Variants in YEATS2 observed in about 807,000 individuals in gnomAD.
YEATS2 encodes the protein YEATS domain containing 2, also known as YEATS domain-containing protein 2.
Under a neutral mutation model 163.2 loss-of-function variants are expected in YEATS2, and 77 were observed. That is an observed-to-expected ratio of 0.47 (90% CI 0.39 to 0.57). The LOEUF is 0.57. Among genes scored for constraint, YEATS2 ranks in the 20% least tolerant of loss-of-function variants. The pLI is 0.00. For missense variants in YEATS2, 1,549 were observed against 1,729.8 expected (o/e 0.90, Z 1.85); for synonymous variants, 631 against 645.1 (o/e 0.98, Z 0.33).
chr3:183,776,878 G>T (rs940672554), intron 18 of YEATS2, among the ~76,000 whole-genome samples: 13 of 151,938 alleles, frequency 8.6e-5, no homozygotes, highest in Non-Finnish European at 1.3e-4. Context: ...CTTGAACCCG[G>T]GAGGCAGAGG....
At chr3:183,751,685 A>G (rs1720181011) in intron 9 of YEATS2, among the ~76,000 whole-genome samples, 1 of 152,218 alleles carries the variant, frequency 6.6e-6, no homozygotes, top group South Asian at 2.1e-4. Context: ...ATAAGGAAGT[A>G]GCTTATTCTT....
At chr3:183,729,042 G>A (rs1428475897) in intron 7 of YEATS2, among the ~76,000 whole-genome samples, 191 bp downstream of exon 7, 1 of 152,190 alleles carries the variant, frequency 6.6e-6, no homozygotes, top group East Asian at 1.9e-4. Context: ...GGAGGCCAAG[G>A]CAGGCGGATC....
intron 5 of YEATS2, 109 bp downstream of exon 5, chr3:183,722,245 GT>G: frequency 9.7e-7 from 1 of 1,026,740 alleles, no homozygotes; most frequent in South Asian, 2.2e-5. Flanking sequence ...TAGGAAATAG[GT>G]TTGTTTTCCT....
rs1387121906 is a variant in YEATS2, at chr3:183,711,455, A to G, written c.-19-3689A>G. On this transcript the variant is annotated intron_variant, in intron 1 of 30. Coordinates refer to ENST00000305135, the MANE Select transcript of YEATS2 (RefSeq NM_018023.5). Reference sequence around the variant, plus strand: ...GCCACTGCACTCCAGCCTGGGAGACAGCGAGACTCTGTCTCAAAAAAAAAA... The same window carrying G: ...GCCACTGCACTCCAGCCTGGGAGACGGCGAGACTCTGTCTCAAAAAAAAAA... Among the ~76,000 whole-genome samples the G allele has an allele frequency of 2.1e-5, 3 of 145,422 alleles. No individual in the cohort carries two copies. The Admixed American group carries it at 2.1e-4, about 10-fold the overall frequency.
At chr3:183,768,870 G>A (rs955811005) in intron 15 of YEATS2, among the ~76,000 whole-genome samples, 2 of 152,154 alleles carry the variant, frequency 1.3e-5, no homozygotes, top group African/African-American at 2.4e-5. Context: ...TACTCAGGAG[G>A]CAAAGGCAGG....
rs764340854 is a variant in YEATS2 at position 183,722,062 on chromosome 3, A to G, written c.463A>G (p.Asn155Asp). 2.5e-6 allele frequency: 4 copies of G among 1,614,122 alleles called. No homozygotes were observed. Among genetic ancestry groups the G allele is most frequent in the Non-Finnish European group, 3.4e-6 (4 of 1,180,016 alleles). The change falls in exon 5 of 31, where the codon AAT (asparagine) becomes GAT (aspartate). Residue 155 changes from asparagine to aspartate, a missense_variant. By Grantham distance (23) the Asn-to-Asp change is conservative. Coordinates refer to ENST00000305135, the MANE Select transcript of YEATS2 (RefSeq NM_018023.5). ...QHNDFLSDKD[N>D]NSNMDIEERL... ...CAATGACTTCTTATCTGACAAAGAT[A>G]ATAACAGCAATATGGATATAGAGGA...
chr3:183,720,175 C>T (rs950539904), intron 4 of YEATS2, among the ~76,000 whole-genome samples: 4 of 152,130 alleles, frequency 2.6e-5, no homozygotes, highest in African/African-American at 9.7e-5. Context: ...AGTTTGACCA[C>T]TTGGTTAATG....
Position 183,786,286 on chromosome 3 carries a change from C to T in YEATS2, c.2898C>T (p.Asn966=), listed in dbSNP as rs986503765. The change falls in exon 20 of 31, where the codon AAC becomes AAT. Residue 966 remains asparagine, a synonymous_variant. Coordinates refer to ENST00000305135, the MANE Select transcript of YEATS2 (RefSeq NM_018023.5). ...ATSPAVALSA[N]GPAQQSEGMA... ...CCCCTGCCGTGGCCCTCTCAGCAAA[C>T]GGTCCTGCACAACAGGTGAGAAATA... 10 of 1,610,528 alleles carry T rather than the reference C, an allele frequency of 6.2e-6. No homozygotes were observed. The highest frequency in any genetic ancestry group is 1.7e-4 in the Middle Eastern group (1 of 6,060).
chr3:183,718,514 A>G lies in YEATS2; in HGVS notation c.213A>G (p.Ala71=). The part of the protein sequence containing the change: ...IEVIDQRLIE[A]RRMMDKLRAC... ...TTTGTTTTTAGCGACTGATTGAAGC[A>G]AGAAGGATGATGGATAAACTGCGTG... Residue 71 remains alanine, a synonymous_variant, in exon 4 of 31, where the codon GCA becomes GCG. Transcript: ENST00000305135. 1 of 1,612,568 alleles carries G rather than the reference A, an allele frequency of 6.2e-7. No homozygotes were observed. The highest frequency in any genetic ancestry group is 8.5e-7 in the Non-Finnish European group (1 of 1,179,580).
At chr3:183,743,042 A>C (rs1055067018) in intron 8 of YEATS2, among the ~76,000 whole-genome samples, 1 of 152,250 alleles carries the variant, frequency 6.6e-6, no homozygotes, top group African/African-American at 2.4e-5. Flanking sequence ...AATAGATGAC[A>C]GCATAGTATA....
chr3:183,758,877 A>G lies in YEATS2; in HGVS notation c.1568A>G (p.Lys523Arg). 4 of 1,592,666 alleles carry G rather than the reference A, an allele frequency of 2.5e-6. No homozygotes were observed. The highest frequency in any genetic ancestry group is 1.2e-5 in the South Asian group (1 of 85,748). Residue 523 changes from lysine (K) to arginine (R), a missense_variant, in exon 13 of 31, where the codon AAG becomes AGG. By Grantham distance (26) the Lys-to-Arg change is conservative (BLOSUM62 2). Coordinates refer to ENST00000305135, the MANE Select transcript of YEATS2 (RefSeq NM_018023.5). Reference protein sequence around the residue: ...TTPSTGSPTNKISTASQVSQG... With the variant: ...TTPSTGSPTNRISTASQVSQG... ...TGCTTATCAGGAAGTCCTACAAACA[A>G]GATCTCCACGGCTTCTCAGGTCTCC... is the stretch of plus-strand genomic sequence containing the variant.
chr3:183,808,811 G>A (rs955795614), intron 29 of YEATS2: 6 of 273,294 alleles, frequency 2.2e-5, no homozygotes, highest in Admixed American at 5.0e-5. Context: ...AGCCAAGATC[G>A]CGCCACTGCG....
intron 8 of YEATS2, among the ~76,000 whole-genome samples, chr3:183,740,308 C>G (rs1240311354): frequency 4.6e-5 from 7 of 152,080 alleles, no homozygotes; most frequent in African/African-American, 1.7e-4. Context: ...TGAACAGACA[C>G]TTCTCAAAAG....
At chr3:183,774,953 A>G (rs1436899456) in intron 17 of YEATS2, among the ~76,000 whole-genome samples, 3 of 152,252 alleles carry the variant, frequency 2.0e-5, no homozygotes, top group Admixed American at 1.3e-4. Flanking sequence ...TGGTGCAAAA[A>G]TAAACCATTG....
intron 6 of YEATS2, among the ~76,000 whole-genome samples, chr3:183,725,659 C>T (rs557769449): frequency 1.3e-5 from 2 of 152,222 alleles, no homozygotes; most frequent in Non-Finnish European, 2.9e-5. Flanking sequence ...GAAAGACTCA[C>T]CCCCATGATT....
At chr3:183,711,253 G>A (rs899548394) in intron 1 of YEATS2, among the ~76,000 whole-genome samples, 4 of 151,908 alleles carry the variant, frequency 2.6e-5, no homozygotes, top group Non-Finnish European at 4.4e-5. Flanking sequence ...GGCGGATCAC[G>A]AGGTCAGGAG....
At position 183,754,157 on chromosome 3, in the gene YEATS2, C is replaced by G. The variant is rs770172803; in HGVS notation, c.1182C>G (p.His394Gln). ...GFPASTEAER[H>Q]TPFYALPSSL... is the part of the protein sequence containing the mutation. Reference sequence around the variant, plus strand: ...CAGCTAGCACTGAAGCTGAACGACACACTCCGTTTTATGCTTTGCCATCTT... The same window carrying G: ...CAGCTAGCACTGAAGCTGAACGACAGACTCCGTTTTATGCTTTGCCATCTT... Residue 394 changes from histidine to glutamine, a missense_variant, in exon 11 of 31, where the codon CAC becomes CAG. Transcript: ENST00000305135. The G allele has an allele frequency of 6.2e-7, 1 of 1,600,820 alleles. No homozygotes were observed. Among genetic ancestry groups the G allele is most frequent in the South Asian group, 1.1e-5 (1 of 90,152 alleles).
In YEATS2 at chr3:183,773,741, G is replaced by C. The variant is rs1410203443; in HGVS notation, c.2315G>C (p.Gly772Ala). Residue 772 changes from glycine to alanine, a missense_variant, in exon 17 of 31, where the codon GGA (glycine) becomes GCA (alanine). Gly to Ala is a moderately conservative substitution (Grantham distance 60). Transcript: ENST00000305135. The part of the protein sequence containing the change: ...TTNSKNPSGK[G>A]KLLLIPQGAI... ...AACAGCAAGAACCCTTCAGGAAAAG[G>C]AAAACTGCTGCTGATCCCTCAAGGA... 1 of 1,613,320 alleles carries C rather than the reference G, an allele frequency of 6.2e-7. No homozygotes were observed. The highest frequency in any genetic ancestry group is 2.2e-5 in the East Asian group (1 of 44,830).
intron 11 of YEATS2, 147 bp downstream of exon 11, chr3:183,754,512 T>A: frequency 8.6e-7 from 1 of 1,160,428 alleles, no homozygotes; most frequent in East Asian, 2.6e-5. Context: ...CACTGTTGAT[T>A]GGCAAAGCTG....
Sources: gnomAD v4.1 joint callset for allele counts (sites outside exome capture counted in the v4.1 genomes callset) on GRCh38, gnomAD v4.1.1 for gene constraint, MANE v1.5 for transcripts, NCBI Gene and HGNC (gene_info 2026-07-23, HGNC 2026-07-21) for gene names.